The following PTTG1IP variants were observed in gnomAD, a reference collection of about 807,000 sequenced individuals.
The protein encoded by PTTG1IP is PTTG1 interacting protein.
A neutral mutation model predicts 24.4 loss-of-function variants in PTTG1IP; 16 were observed. That is an observed-to-expected ratio of 0.66 (90% CI 0.44 to 1.00). The LOEUF (loss-of-function observed/expected upper bound fraction) is 1.00. Among genes scored for constraint, PTTG1IP ranks in the 50% least tolerant of loss-of-function variants. The pLI, the probability that PTTG1IP is intolerant of heterozygous loss-of-function variation, is 0.00. For synonymous variants in PTTG1IP, 89 were observed against 96.8 expected (o/e 0.92, Z 0.47); for missense variants, 241 against 245.8 (o/e 0.98, Z 0.13).
chr21:44,853,169 T>C (rs1358342658), intron 5 of PTTG1IP, among the ~76,000 whole-genome samples: 3 of 152,116 alleles, frequency 2.0e-5, no homozygotes, highest in East Asian at 3.9e-4. Flanking sequence ...TGTGCGTGTG[T>C]GCGCGTGTGC....
intron 2 of PTTG1IP, among the ~76,000 whole-genome samples, chr21:44,862,716 C>T (rs2083501400): frequency 6.6e-6 from 1 of 152,182 alleles, no homozygotes; most frequent in South Asian, 2.1e-4. Flanking sequence ...ATTACAATGT[C>T]CCCTGGGCCT....
At chr21:44,857,923 T>C (rs997344404) in intron 3 of PTTG1IP, among the ~76,000 whole-genome samples, 2 of 152,228 alleles carry the variant, frequency 1.3e-5, no homozygotes. Context: ...TGGCAGAAGA[T>C]GTCATTTTCT....
chr21:44,865,643 G>C (rs1283849419), intron 1 of PTTG1IP, 196 bp from the exon 2 acceptor site: 2 of 638,502 alleles, frequency 3.1e-6, no homozygotes, highest in African/African-American at 3.6e-5. Context: ...GAGTGTTCAG[G>C]AACCCCGCTG....
intron 2 of PTTG1IP, chr21:44,861,700 C>A: frequency 7.0e-6 from 5 of 715,752 alleles, no homozygotes; most frequent in Non-Finnish European, 1.3e-5. Context: ...CTGGACACAA[C>A]CAGCCGCCTC....
intron 3 of PTTG1IP, among the ~76,000 whole-genome samples, chr21:44,858,035 A>G (rs1282752722): frequency 2.6e-5 from 4 of 152,232 alleles, no homozygotes; most frequent in Non-Finnish European, 4.4e-5. Context: ...TTAAAAACAA[A>G]CAGAAATCCT....
chr21:44,860,718 T>C lies in PTTG1IP; in HGVS notation c.277+445A>G, dbSNP rs181334811. ...CAGGGCTGCTTTCCCGGTCAGCAGA[T>C]CACCCCTGGCTTCCCAACCTCTCCC... On this transcript the variant is annotated intron_variant, in intron 3 of 5. Coordinates refer to ENST00000330938, the MANE Select transcript of PTTG1IP (RefSeq NM_004339.4). Among the ~76,000 whole-genome samples the C allele has an allele frequency of 5.9e-5, 9 of 152,310 alleles. No homozygotes were observed. The East Asian group carries it at 1.7e-3, about 29-fold the overall frequency.
At chr21:44,857,374 C>T (rs2282111) in intron 3 of PTTG1IP, among the ~76,000 whole-genome samples, 15,498 of 152,212 alleles carry the variant, frequency 0.1, 1,228 homozygotes, top group East Asian at 0.36. Flanking sequence ...CTGGTCCCAG[C>T]GACATGGGAG....
Position 44,873,587 on chromosome 21 carries a change from C to A in PTTG1IP, c.30G>T (p.Thr10=). 1 of 1,459,420 alleles carries A rather than the reference C, an allele frequency of 6.9e-7. No homozygotes were observed. Among genetic ancestry groups the A allele is most frequent in the Non-Finnish European group, 9.0e-7 (1 of 1,109,684 alleles). The allele number at this position is 1,459,420 out of a possible 1,614,324, so 90.4% of individuals were successfully genotyped here. A position where few individuals can be genotyped will look rare whatever the true frequency, so the allele number is the denominator to read the frequency against. Residue 10 remains threonine (T), a synonymous_variant, in exon 1 of 6, where the codon ACG becomes ACT. Transcript: ENST00000330938. ...CACCGAGGCGCAACCTCCAGTACGGCGTCGGCCCGCGGGCCACTCCGGGCG... is the reference window on the plus strand; with the variant it reads ...CACCGAGGCGCAACCTCCAGTACGGAGTCGGCCCGCGGGCCACTCCGGGCG... MAPGVARGP[T]PYWRLRLGGA...
chr21:44,853,234 G>A (rs181356636), intron 5 of PTTG1IP, among the ~76,000 whole-genome samples: 127 of 152,310 alleles, frequency 8.3e-4, no homozygotes, highest in African/African-American at 3.0e-3. Flanking sequence ...CTGGCTGGGT[G>A]TGGTGGCTCA....
intron 3 of PTTG1IP, among the ~76,000 whole-genome samples, chr21:44,858,376 G>T (rs181369531): frequency 8.5e-5 from 13 of 152,332 alleles, no homozygotes; most frequent in Middle Eastern, 3.4e-3. Flanking sequence ...GGCCCTGAGG[G>T]CCCGGCCACA....
chr21:44,861,695 C>T (rs773487098), intron 2 of PTTG1IP: 82 of 715,384 alleles, frequency 1.1e-4, no homozygotes, highest in Admixed American at 4.6e-4. Context: ...ACAGACTGGA[C>T]ACAACCAGCC....
intron 1 of PTTG1IP, among the ~76,000 whole-genome samples, chr21:44,870,525 CAAAAAAAA>C (rs60436978): frequency 2.1e-4 from 16 of 76,970 alleles, no homozygotes; most frequent in South Asian, 6.2e-4. Flanking sequence ...GACTCCATCT[CAAAAAAAA>C]AAAAAAAAAA....
intron 4 of PTTG1IP, 140 bp from the exon 5 acceptor site, chr21:44,855,396 G>T: frequency 1.1e-6 from 1 of 870,962 alleles, no homozygotes; most frequent in Non-Finnish European, 1.8e-6. Context: ...TGAAACCAGG[G>T]TGAGGACAAG....
Position 44,873,657 on chromosome 21 carries a change from T to G in PTTG1IP, c.-41A>C. On this transcript the variant is annotated 5_prime_UTR_variant, in exon 1 of 6. Coordinates refer to ENST00000330938, the MANE Select transcript of PTTG1IP (RefSeq NM_004339.4). ...CTATCAGTCAGTGGAGCGTTACAAC[T>G]CCGACTCCAGCACAAGCGGTCTCCG... The G allele has an allele frequency of 7.5e-7, 1 of 1,335,434 alleles. No homozygotes were observed. 82.7% of individuals were successfully genotyped at this position (1,335,434 alleles called of 1,614,324 possible).
intron 1 of PTTG1IP, among the ~76,000 whole-genome samples, chr21:44,870,633 G>A (rs1443159252): frequency 6.7e-6 from 1 of 150,240 alleles, no homozygotes; most frequent in African/African-American, 2.4e-5. Context: ...CTCATCACAA[G>A]ATACAGAAAA....
At chr21:44,862,792 G>A (rs1389996715) in intron 2 of PTTG1IP, among the ~76,000 whole-genome samples, 1 of 152,198 alleles carries the variant, frequency 6.6e-6, no homozygotes, top group African/African-American at 2.4e-5. Context: ...CCAGCATAAT[G>A]TAACAATTAA....
chr21:44,872,149 G>A (rs1471412187), intron 1 of PTTG1IP, among the ~76,000 whole-genome samples: 6 of 151,956 alleles, frequency 3.9e-5, no homozygotes, highest in East Asian at 1.9e-4. Context: ...GCCTGCAGAC[G>A]CCCATTCTGT....
chr21:44,865,662 G>A (rs551484505), intron 1 of PTTG1IP: 1 of 618,418 alleles, frequency 1.6e-6, no homozygotes, highest in South Asian at 1.9e-5. Context: ...TGCAGGCAGG[G>A]CACAAAGAGT....
Position 44,871,539 on chromosome 21 carries a change from G to A in PTTG1IP, c.115+1963C>T, listed in dbSNP as rs182459406. On this transcript the variant is annotated intron_variant, in intron 1 of 5. Transcript: ENST00000330938. The stretch of plus-strand genomic sequence containing the variant: ...TCTCCTCCATCAAAACACATAAAAA[G>A]ATGCTTAAAAGTGTTGGATTTGGAT... Among the ~76,000 whole-genome samples the A allele has an allele frequency of 1.1e-3, 173 of 152,276 alleles. 1 individual carries two copies. Among genetic ancestry groups the A allele is most frequent in the Middle Eastern group, 3.4e-3 (1 of 294 alleles).
Sources: allele counts gnomAD v4.1 joint callset (sites outside exome capture counted in the v4.1 genomes callset), GRCh38; gene constraint gnomAD v4.1.1; transcripts MANE v1.5; gene names NCBI Gene and HGNC (gene_info 2026-07-23, HGNC 2026-07-21).